The following SSH2 variants were observed in gnomAD, a reference collection of about 807,000 sequenced individuals.
SSH2 encodes the protein protein phosphatase Slingshot homolog 2.
SSH2 carries 37 observed loss-of-function variants against 135.2 expected under a neutral mutation model. The observed-to-expected ratio is 0.27, with a 90% CI of 0.21 to 0.36. The LOEUF is 0.36. Ranked by LOEUF, SSH2 falls within the 10% of genes least tolerant of loss-of-function variation. SSH2 has a pLI of 1.00. For missense variants in SSH2, 1,408 were observed against 1,765.3 expected (o/e 0.80, Z 3.63); for synonymous variants, 628 against 646.2 (o/e 0.97, Z 0.43).
chr17:29,912,630 C>CT (rs1489352017), intron 1 of SSH2, among the ~76,000 whole-genome samples: 2 of 152,070 alleles, frequency 1.3e-5, no homozygotes, highest in Non-Finnish European at 2.9e-5. Context: ...ACTCAGGAGG[C>CT]TAAGGTGGGC....
chr17:29,712,054 T>C (rs1365541860), intron 3 of SSH2, among the ~76,000 whole-genome samples: 2 of 152,164 alleles, frequency 1.3e-5, no homozygotes, highest in Non-Finnish European at 2.9e-5. Context: ...CATCAATCGA[T>C]ATATGTAAAA....
chr17:29,680,544 T>G (rs1397485698), intron 6 of SSH2, among the ~76,000 whole-genome samples: 1 of 45,428 alleles, frequency 2.2e-5, no homozygotes, highest in East Asian at 6.7e-4. Context: ...ACAGCAAGAC[T>G]CCCTCTCAAA....
chr17:29,848,727 G>T, intron 2 of SSH2, 122 bp downstream of exon 2: 1 of 608,130 alleles, frequency 1.6e-6, no homozygotes. Flanking sequence ...CAGACATTTG[G>T]CTGAATGGGG....
In SSH2 at chr17:29,791,174, C is replaced by T. The variant is rs549135891; in HGVS notation, c.188+2720G>A. On this transcript the variant is annotated intron_variant, in intron 3 of 15. Transcript: ENST00000540801. ...GATCTCGGCTCACTGCAACCTCCAC[C>T]TCCAGGATTCAACCAATTCTCCTGC... Among the ~76,000 whole-genome samples the T allele has an allele frequency of 1.6e-4, 25 of 152,254 alleles. No individual in the cohort carries two copies. The South Asian group carries it at 4.6e-3, about 28-fold the overall frequency.
At chr17:29,875,546 T>C (rs1329148639) in intron 1 of SSH2, among the ~76,000 whole-genome samples, 2 of 152,186 alleles carry the variant, frequency 1.3e-5, no homozygotes, top group Non-Finnish European at 2.9e-5. Context: ...GTCACTCCCA[T>C]GTTGAAAACC....
chr17:29,826,341 T>A (rs2042743481), intron 2 of SSH2, among the ~76,000 whole-genome samples: 1 of 151,968 alleles, frequency 6.6e-6, no homozygotes, highest in Non-Finnish European at 1.5e-5. Context: ...GCCGAAACAG[T>A]CACATGACCA....
chr17:29,761,483 C>T (rs1054211206), intron 3 of SSH2: 6 of 984,728 alleles, frequency 6.1e-6, no homozygotes, highest in Admixed American at 6.1e-5. Context: ...GCGGGACGGG[C>T]GGGTCCTGAG....
intron 11 of SSH2, among the ~76,000 whole-genome samples, chr17:29,659,573 G>C (rs2036934202): frequency 6.6e-6 from 1 of 152,128 alleles, no homozygotes; most frequent in African/African-American, 2.4e-5. Flanking sequence ...ACCTAGGCTG[G>C]AGTGCAGTGG....
At chr17:29,648,020 A>T (rs2036446416) in intron 14 of SSH2, 124 bp downstream of exon 14, 1 of 942,538 alleles carries the variant, frequency 1.1e-6, no homozygotes, top group African/African-American at 1.6e-5. Flanking sequence ...TTGATAGAGA[A>T]ATAAGTCTTT....
chr17:29,804,927 C>T (rs1171869334), intron 2 of SSH2, among the ~76,000 whole-genome samples: 1 of 136,664 alleles, frequency 7.3e-6, no homozygotes, highest in Non-Finnish European at 1.5e-5. Context: ...CTCTTGGCTT[C>T]AAGTGATCCT....
At chr17:29,893,765 T>C (rs747515700) in intron 1 of SSH2, among the ~76,000 whole-genome samples, 4 of 152,164 alleles carry the variant, frequency 2.6e-5, no homozygotes, top group Non-Finnish European at 5.9e-5. Flanking sequence ...AGATCTTCAA[T>C]ATACTGAGGT....
In SSH2 at chr17:29,636,161, G is replaced by A. The variant is rs1474911069; in HGVS notation, c.2069C>T (p.Ser690Phe). 1 of 1,614,164 alleles carries A rather than the reference G, an allele frequency of 6.2e-7. No individual in the cohort carries two copies. Among genetic ancestry groups the A allele is most frequent in the Middle Eastern group, 1.6e-4 (1 of 6,062 alleles). ...FSALEKFVEL[S>F]QETRSRSFSH... Reference sequence around the variant, plus strand: ...AAAAGATCGTGACCGGGTTTCTTGGGAGAGCTCCACAAACTTCTCTAGGGC... The same window carrying A: ...AAAAGATCGTGACCGGGTTTCTTGGAAGAGCTCCACAAACTTCTCTAGGGC... Residue 690 changes from serine (S) to phenylalanine (F), a missense_variant, in exon 15 of 16, where the codon TCC (serine) becomes TTC (phenylalanine). Ser to Phe is a radical substitution (Grantham distance 155). Coordinates refer to ENST00000540801, the MANE Select transcript of SSH2 (RefSeq NM_001282129.2).
chr17:29,780,208 C>T (rs1016118287), intron 3 of SSH2, among the ~76,000 whole-genome samples: 1 of 152,098 alleles, frequency 6.6e-6, no homozygotes, highest in African/African-American at 2.4e-5. Context: ...CAGAGCGAGA[C>T]TCCATCTCAA....
intron 12 of SSH2, among the ~76,000 whole-genome samples, chr17:29,653,600 T>C (rs1598728635): frequency 2.0e-5 from 3 of 152,140 alleles, no homozygotes; most frequent in Non-Finnish European, 4.4e-5. Flanking sequence ...TTTTTTTTTT[T>C]TCCCCAGACA....
At chr17:29,866,211 A>G (rs188087987) in intron 1 of SSH2, 1 of 151,198 alleles carries the variant, frequency 6.6e-6, no homozygotes, top group East Asian at 1.9e-4. Context: ...CAAGCAGTAC[A>G]AAGATCATTT....
chr17:29,777,109 G>T (rs1207689820), intron 3 of SSH2, among the ~76,000 whole-genome samples: 1 of 152,104 alleles, frequency 6.6e-6, no homozygotes, highest in African/African-American at 2.4e-5. Context: ...CTACTTGGGA[G>T]GCTGAGGCAG....
At chr17:29,736,183 G>A (rs1053316990) in intron 3 of SSH2, among the ~76,000 whole-genome samples, 5 of 152,126 alleles carry the variant, frequency 3.3e-5, no homozygotes, top group Non-Finnish European at 5.9e-5. Context: ...AGTACTAGAC[G>A]TAACAGGATT....
intron 2 of SSH2, among the ~76,000 whole-genome samples, chr17:29,802,699 A>C (rs2042272650): frequency 6.6e-6 from 1 of 152,138 alleles, no homozygotes; most frequent in Non-Finnish European, 1.5e-5. Context: ...AAGAGCTGAA[A>C]ACTGTAGAAG....
At chr17:29,744,959 G>T (rs974853760) in intron 3 of SSH2, among the ~76,000 whole-genome samples, 1 of 151,424 alleles carries the variant, frequency 6.6e-6, no homozygotes. Flanking sequence ...CTGTTCTTGT[G>T]TTGCCTGTGG....
Sources: gnomAD v4.1 joint callset for allele counts (sites outside exome capture counted in the v4.1 genomes callset) on GRCh38, gnomAD v4.1.1 for gene constraint, MANE v1.5 for transcripts, NCBI Gene and HGNC (gene_info 2026-07-23, HGNC 2026-07-21) for gene names.